JAM3: variants seen among roughly 807,000 people sequenced by gnomAD.
JAM3 encodes junctional adhesion molecule 3.
Under a neutral mutation model 39.4 loss-of-function variants are expected in JAM3, and 31 were observed. The observed-to-expected ratio is 0.79, with a 90% CI of 0.59 to 1.06. The LOEUF (loss-of-function observed/expected upper bound fraction) is 1.06, where lower values mean the gene tolerates loss of function less well. Ranked by LOEUF, JAM3 falls within the 50% of genes least tolerant of loss-of-function variation. The pLI, the probability that JAM3 is intolerant of heterozygous loss-of-function variation, is 0.00. For synonymous variants in JAM3, 182 were observed against 148.7 expected, an observed-to-expected ratio of 1.22 and a Z score of -1.63; for missense variants, 455 against 391.4, an observed-to-expected ratio of 1.16 and a Z score of -1.37.
chr11:134,111,411 C>G (rs972551309), intron 1 of JAM3, among the ~76,000 whole-genome samples: 2 of 152,012 alleles, frequency 1.3e-5, no homozygotes, highest in Non-Finnish European at 2.9e-5. Context: ...CACCATTCAT[C>G]TTTTAACTAT....
chr11:134,124,020 G>C, intron 1 of JAM3: 1 of 1,457,296 alleles, frequency 6.9e-7, no homozygotes, highest in South Asian at 1.1e-5. Context: ...TCCCAATCCC[G>C]CAACACAAGG....
intron 4 of JAM3, 73 bp from the exon 5 acceptor site, chr11:134,144,719 G>C (rs1054942573): frequency 1.5e-6 from 2 of 1,366,018 alleles, no homozygotes; most frequent in Non-Finnish European, 2.1e-6. Context: ...CTTTGGAGCT[G>C]ATTTCTTCTG....
chr11:134,124,599 A>G (rs745697278), intron 1 of JAM3, among the ~76,000 whole-genome samples: 10 of 152,230 alleles, frequency 6.6e-5, no homozygotes, highest in Non-Finnish European at 1.3e-4. Context: ...ATCCAACTAC[A>G]TAAGCAGCCT....
chr11:134,107,853 C>T (rs1418547761), intron 1 of JAM3, among the ~76,000 whole-genome samples: 2 of 148,684 alleles, frequency 1.3e-5, no homozygotes, highest in East Asian at 3.9e-4. Flanking sequence ...CAGAGAAAGA[C>T]CTTGTCTCTA....
At chr11:134,113,935 G>T (rs1454764890) in intron 1 of JAM3, among the ~76,000 whole-genome samples, 1 of 152,222 alleles carries the variant, frequency 6.6e-6, no homozygotes, top group Non-Finnish European at 1.5e-5. Context: ...GCATTTGTCT[G>T]ATGGCCAGTG....
intron 1 of JAM3, among the ~76,000 whole-genome samples, chr11:134,107,233 C>CA (rs199936524): frequency 6.6e-6 from 1 of 151,820 alleles, no homozygotes; most frequent in Non-Finnish European, 1.5e-5. Flanking sequence ...ATCGCAAGGA[C>CA]AAAAAACCAA....
chr11:134,098,792 G>C (rs1363112861), intron 1 of JAM3, among the ~76,000 whole-genome samples: 1 of 152,088 alleles, frequency 6.6e-6, no homozygotes, highest in Non-Finnish European at 1.5e-5. Flanking sequence ...ACTTGTGAGG[G>C]ATAGCTCAGT....
At chr11:134,099,538 G>A (rs1481313856) in intron 1 of JAM3, among the ~76,000 whole-genome samples, 1 of 152,184 alleles carries the variant, frequency 6.6e-6, no homozygotes, top group African/African-American at 2.4e-5. Context: ...AAGGCAAGTT[G>A]TGCTGTACTT....
intron 1 of JAM3, among the ~76,000 whole-genome samples, chr11:134,086,944 A>G (rs1941754650): frequency 6.6e-6 from 1 of 152,098 alleles, no homozygotes; most frequent in African/African-American, 2.4e-5. Flanking sequence ...AGCTGGGACC[A>G]CAGGGATGTA....
chr11:134,144,483 C>T, intron 4 of JAM3, 90 bp downstream of exon 4: 1 of 1,478,596 alleles, frequency 6.8e-7, no homozygotes. Context: ...GAACTGTATC[C>T]CTGAGGGCTT....
Position 134,144,929 on chromosome 11 carries a change from G to T in JAM3, c.547G>T (p.Asp183Tyr). The change falls in exon 5 of 9, where the codon GAT becomes TAT. Residue 183 changes from aspartate (D) to tyrosine (Y), a missense_variant. Coordinates refer to ENST00000299106, the MANE Select transcript of JAM3 (RefSeq NM_032801.5). ...TCGCAATGATGTACCACTGCCCACG[G>T]ATTCCAGAGCCAATCCCAGATTTCG... ...WYRNDVPLPTDSRANPRFRNS... is the reference protein window; with the variant it reads ...WYRNDVPLPTYSRANPRFRNS... 1 of 1,614,208 alleles carries T rather than the reference G, an allele frequency of 6.2e-7. No individual in the cohort carries two copies. The highest frequency in any genetic ancestry group is 1.1e-5 in the South Asian group (1 of 91,080).
Position 134,149,172 on chromosome 11 carries a change from T to G in JAM3, c.924T>G (p.Phe308Leu), listed in dbSNP as rs1464456260. 5.6e-6 allele frequency: 9 copies of G among 1,614,048 alleles called. No homozygotes were observed. Among genetic ancestry groups the G allele is most frequent in the African/African-American group, 1.3e-5 (1 of 75,062 alleles). Residue 308 changes from phenylalanine to leucine, a missense_variant, in exon 9 of 9, where the codon TTT becomes TTG. Transcript: ENST00000299106. The part of the protein sequence containing the change: ...EEGDFRHKSS[F>L]VI Reference sequence around the variant, plus strand: ...GCGACTTCAGACACAAGTCATCGTTTGTGATCTGAGACCCGCGGTGTGGCT... The same window carrying G: ...GCGACTTCAGACACAAGTCATCGTTGGTGATCTGAGACCCGCGGTGTGGCT...
intron 1 of JAM3, among the ~76,000 whole-genome samples, chr11:134,120,771 ACT>A (rs1942516435): frequency 6.6e-6 from 1 of 151,954 alleles, no homozygotes; most frequent in African/African-American, 2.4e-5. Flanking sequence ...TTATGTGAAA[ACT>A]CTTAGCAAAA....
chr11:134,139,407 G>A (rs470608), intron 1 of JAM3, among the ~76,000 whole-genome samples: 60,103 of 152,044 alleles, frequency 0.4, 12,929 homozygotes, highest in African/African-American at 0.58. Flanking sequence ...ATGCCGTCCC[G>A]AAGGGAAGAG....
chr11:134,112,457 T>C (rs1239579162), intron 1 of JAM3, among the ~76,000 whole-genome samples: 2 of 152,104 alleles, frequency 1.3e-5, no homozygotes, highest in Non-Finnish European at 2.9e-5. Context: ...AGTCACTCTA[T>C]CTAAATGAAA....
At chr11:134,107,519 T>C (rs890032896) in intron 1 of JAM3, among the ~76,000 whole-genome samples, 7 of 151,914 alleles carry the variant, frequency 4.6e-5, no homozygotes, top group African/African-American at 1.7e-4. Flanking sequence ...TGTTTTGAAG[T>C]GAATGAAAAT....
At chr11:134,075,942 C>T (rs1941561931) in intron 1 of JAM3, among the ~76,000 whole-genome samples, 1 of 152,058 alleles carries the variant, frequency 6.6e-6, no homozygotes, top group South Asian at 2.1e-4. Context: ...GTTCTTGTCT[C>T]TCTGTGCTAT....
At chr11:134,069,263 G>A in intron 1 of JAM3, 104 bp downstream of exon 1, 4 of 1,436,486 alleles carry the variant, frequency 2.8e-6, no homozygotes, top group Non-Finnish European at 3.8e-6. Flanking sequence ...TAGCGGTCCT[G>A]GCTCCGAGGG....
chr11:134,140,520 C>T, intron 2 of JAM3, 137 bp from the exon 3 acceptor site: 1 of 737,058 alleles, frequency 1.4e-6, no homozygotes, highest in Non-Finnish European at 2.4e-6. Flanking sequence ...TTCTCAAAGT[C>T]TCTTGGAGTG....
Sources: allele counts gnomAD v4.1 joint callset (sites outside exome capture counted in the v4.1 genomes callset), GRCh38; gene constraint gnomAD v4.1.1; transcripts MANE v1.5; gene names NCBI Gene and HGNC (gene_info 2026-07-23, HGNC 2026-07-21).